Variants in ANKRD26 observed in about 807,000 individuals in gnomAD.
The protein encoded by ANKRD26 is ankyrin repeat domain-containing protein 26.
In ANKRD26, 141 loss-of-function variants were observed where a neutral mutation model predicts 208.7. The ratio of observed to expected loss-of-function variants is 0.68; its 90% confidence interval spans 0.59 to 0.78. The LOEUF (loss-of-function observed/expected upper bound fraction) is 0.78. ANKRD26 is among the 30% of genes least tolerant of loss of function. The pLI is 0.00. For synonymous variants in ANKRD26, 636 were observed against 660.4 expected, an observed-to-expected ratio of 0.96 and a Z score of 0.57; for missense variants, 1,889 against 1,938.7, an observed-to-expected ratio of 0.97 and a Z score of 0.48.
chr10:27,072,238 A>G (rs990514116), intron 9 of ANKRD26, among the ~76,000 whole-genome samples: 5 of 152,232 alleles, frequency 3.3e-5, no homozygotes, highest in Admixed American at 2.6e-4. Flanking sequence ...TGCTGCTGCC[A>G]GCAGAACCCT....
chr10:27,023,821 CAT>C (rs1237609901), intron 28 of ANKRD26, among the ~76,000 whole-genome samples: 2 of 152,178 alleles, frequency 1.3e-5, no homozygotes, highest in East Asian at 3.9e-4. Context: ...ATAGTAGAAA[CAT>C]GATTGCTCAT....
chr10:27,013,700 T>C (rs761744339), intron 31 of ANKRD26, among the ~76,000 whole-genome samples: 5 of 152,208 alleles, frequency 3.3e-5, no homozygotes, highest in Non-Finnish European at 7.3e-5. Flanking sequence ...TACATTTATT[T>C]CACCCATTAT....
chr10:27,052,343 T>A, intron 16 of ANKRD26: 1 of 201,642 alleles, frequency 5.0e-6, no homozygotes, highest in Non-Finnish European at 8.8e-6. Flanking sequence ...TAAACTTAAT[T>A]CATTATGTGT....
Position 27,048,928 on chromosome 10 carries a change from T to C in ANKRD26, c.1687A>G (p.Asn563Asp), listed in dbSNP as rs2054554560. 3 of 1,611,002 alleles carry C rather than the reference T, an allele frequency of 1.9e-6. No individual in the cohort carries two copies. The highest frequency in any genetic ancestry group is 2.5e-6 in the Non-Finnish European group (3 of 1,178,522). ...TCATCAGTAGCACCATCATGTATGT[T>C]TGCTGATACTTCCATTTCATTATTT... ...HRNNEMEVSANIHDGATDDAE... is the reference protein window; with the variant it reads ...HRNNEMEVSADIHDGATDDAE... The change falls in exon 17 of 34, where the codon AAC becomes GAC. Residue 563 changes from asparagine to aspartate, a missense_variant. Physicochemically the swap from Asn to Asp is conservative, Grantham distance 23. Transcript: ENST00000376087.
In ANKRD26 at chr10:27,060,363, C is replaced by T. The variant is rs748730447; in HGVS notation, c.1546G>A (p.Val516Ile). 18 of 1,611,498 alleles carry T rather than the reference C, an allele frequency of 1.1e-5. No individual in the cohort carries two copies. The highest frequency in any genetic ancestry group is 1.4e-5 in the Non-Finnish European group (16 of 1,177,936). ...CATTTACCTGCTTTGGATGTTTGTA[C>T]ATCCTTCATTCCTCCTGCTTTATTT... Reference protein sequence around the residue: ...VPNKAGGMKDVQTSKAAEHDL... With the variant: ...VPNKAGGMKDIQTSKAAEHDL... The change falls in exon 15 of 34, where the codon GTA (valine) becomes ATA (isoleucine). Residue 516 changes from valine to isoleucine, a missense_variant. By Grantham distance (29) the Val-to-Ile change is conservative. This residue lies in a region of ANKRD26 where 1,272 missense variants were observed against 1,273.8 expected (regional missense o/e 1.00). Transcript: ENST00000376087.
intron 27 of ANKRD26, among the ~76,000 whole-genome samples, chr10:27,025,927 G>A (rs554596469): frequency 6.6e-6 from 1 of 152,210 alleles, no homozygotes; most frequent in South Asian, 2.1e-4. Context: ...AGCTAATCTT[G>A]TACATTTTAT....
rs983648301 is a variant in ANKRD26 at position 27,004,729 on chromosome 10, G to A, written c.*861C>T. On this transcript the variant is annotated 3_prime_UTR_variant, in exon 34 of 34. Coordinates refer to ENST00000376087, the MANE Select transcript of ANKRD26 (RefSeq NM_014915.3). ...GACTTTACTCTTCAAAATATTCAAG[G>A]TCATGAAGGTCAAGGAAAGACTGAG... The A allele has an allele frequency of 6.6e-6, 1 of 152,090 alleles. No homozygotes were observed. The highest frequency in any genetic ancestry group is 6.6e-5 in the Admixed American group (1 of 15,254). 9.4% of individuals were successfully genotyped at this position (152,090 alleles called of 1,614,324 possible).
chr10:27,043,505 G>A lies in ANKRD26; in HGVS notation c.2082C>T (p.Ala694=), dbSNP rs1264431801. Residue 694 remains alanine (A), a synonymous_variant, in exon 20 of 34, where the codon GCC becomes GCT. Transcript: ENST00000376087. The part of the protein sequence containing the change: ...VDDLTQSSET[A]SEDCELPHSS... ...AGTGGGGTAGCTCACAATCCTCTGA[G>A]GCTGTTTCAGATGACTGAGTTAAGT... The A allele has an allele frequency of 1.9e-6, 3 of 1,613,710 alleles. No individual in the cohort carries two copies. Among genetic ancestry groups the A allele is most frequent in the Non-Finnish European group, 2.5e-6 (3 of 1,179,826 alleles).
the ANKRD26 span, among the ~76,000 whole-genome samples, chr10:26,962,293 C>T: frequency 3.3e-5 from 5 of 152,108 alleles, no homozygotes; most frequent in South Asian, 4.2e-4. Context: ...TAATTAGCCA[C>T]GCGGCCAGGT....
At chr10:27,096,617 A>G (rs12762717) in intron 1 of ANKRD26, among the ~76,000 whole-genome samples, 14 of 151,610 alleles carry the variant, frequency 9.2e-5, no homozygotes, top group East Asian at 7.8e-4. Flanking sequence ...TACAAAAAAA[A>G]TAGCCAGGCA....
chr10:27,003,285 T>C (rs2134760028), downstream of ANKRD26, among the ~76,000 whole-genome samples: 1 of 152,316 alleles, frequency 6.6e-6, no homozygotes, highest in Middle Eastern at 3.4e-3. Flanking sequence ...TGGCTACTAC[T>C]GGCCAAGTCC....
Position 27,040,028 on chromosome 10 carries a change from T to C in ANKRD26, c.2312A>G (p.Lys771Arg). ...ATGCTCTAACTGTGATTTTATTTCT[T>C]TTGTTTCAGATAGCTCCCTTTGTAG... ...NVLQRELSET[K>R]EIKSQLEHQK... is the part of the protein sequence containing the mutation. The change falls in exon 21 of 34, where the codon AAA (lysine) becomes AGA (arginine). Residue 771 changes from lysine to arginine, a missense_variant. Lys to Arg is a conservative substitution (Grantham distance 26). Coordinates refer to ENST00000376087, the MANE Select transcript of ANKRD26 (RefSeq NM_014915.3). The C allele has an allele frequency of 6.2e-7, 1 of 1,613,846 alleles. No homozygotes were observed. Among genetic ancestry groups the C allele is most frequent in the Non-Finnish European group, 8.5e-7 (1 of 1,179,916 alleles).
rs1212772424 is a variant in ANKRD26, at chr10:27,092,356, A to C, written c.638+50T>G. The C allele has an allele frequency of 2.9e-6, 4 of 1,401,602 alleles. No individual in the cohort carries two copies. The African/African-American group carries it at 4.3e-5, about 15-fold the overall frequency. 86.8% of individuals were successfully genotyped at this position (1,401,602 alleles called of 1,614,324 possible). A position where few individuals can be genotyped will look rare whatever the true frequency, so the allele number is the denominator to read the frequency against. On this transcript the variant is annotated intron_variant, in intron 4 of 33. Coordinates refer to ENST00000376087, the MANE Select transcript of ANKRD26 (RefSeq NM_014915.3). ...ACATGCAAAACACAGATCTAAAAAA[A>C]CTTTTAAACATACAAGTTTAAAAAT... is the stretch of plus-strand genomic sequence containing the variant.
intron 5 of ANKRD26, among the ~76,000 whole-genome samples, chr10:26,994,671 A>G (rs1296411975): frequency 2.0e-5 from 3 of 152,208 alleles, no homozygotes; most frequent in Non-Finnish European, 4.4e-5. Context: ...GTGGTGTCCA[A>G]TTTAGAGTGA....
At chr10:27,025,261 C>G (rs898544912) in intron 27 of ANKRD26, among the ~76,000 whole-genome samples, 4 of 152,106 alleles carry the variant, frequency 2.6e-5, no homozygotes, top group African/African-American at 9.7e-5. Flanking sequence ...GCCTTGAACT[C>G]CAGGGCTCAA....
intron 15 of ANKRD26, among the ~76,000 whole-genome samples, chr10:27,054,028 A>G (rs2054755874): frequency 6.6e-6 from 1 of 152,096 alleles, no homozygotes; most frequent in East Asian, 1.9e-4. Flanking sequence ...TAAGACTAAG[A>G]CAGCTATGTG....
At chr10:26,995,823 C>A (rs897229755) in intron 4 of ANKRD26, among the ~76,000 whole-genome samples, 1 of 152,136 alleles carries the variant, frequency 6.6e-6, no homozygotes, top group Non-Finnish European at 1.5e-5. Flanking sequence ...GAGAGTGTGT[C>A]TAACCCAAGG....
chr10:27,026,399 CTCAT>C (rs1443928144), intron 27 of ANKRD26, among the ~76,000 whole-genome samples: 2 of 152,206 alleles, frequency 1.3e-5, no homozygotes, highest in Non-Finnish European at 2.9e-5. Flanking sequence ...CCCCCACACT[CTCAT>C]TCACAGGAGA....
intron 9 of ANKRD26, among the ~76,000 whole-genome samples, chr10:27,071,266 C>T (rs1253219510): frequency 8.1e-5 from 12 of 147,674 alleles, no homozygotes; most frequent in Non-Finnish European, 8.9e-5. Flanking sequence ...CCCAGGTTCA[C>T]GCCATTCTCC....
Sources: gnomAD v4.1 joint callset for allele counts (sites outside exome capture counted in the v4.1 genomes callset) on GRCh38, gnomAD v4.1.1 for gene constraint, gnomAD v4.1.1 regional missense constraint, MANE v1.5 for transcripts, NCBI Gene and HGNC (gene_info 2026-07-23, HGNC 2026-07-21) for gene names.